The following CLECL1 variants were observed in gnomAD, a reference collection of about 807,000 sequenced individuals.
CLECL1 encodes C-type lectin-like domain family 1.
exon 3 of CLECL1, chr12:9,716,614 C>G (rs56751889): frequency 0.2 from 58,333 of 289,356 alleles, 8,115 homozygotes; most frequent in African/African-American, 0.48. Flanking sequence ...TGTCCCATTC[C>G]TCTTGCTCAA....
At chr12:9,719,965 A>G (rs762411294), downstream of CLECL1, among the ~76,000 whole-genome samples, 2 of 152,308 alleles carry the variant, frequency 1.3e-5, no homozygotes, top group Admixed American at 6.5e-5. Flanking sequence ...CTCTTCCAGC[A>G]GCATTCTCTT....
chr12:9,720,554 C>T (rs1866297574), downstream of CLECL1, among the ~76,000 whole-genome samples: 1 of 152,118 alleles, frequency 6.6e-6, no homozygotes, highest in Admixed American at 6.5e-5. Flanking sequence ...GTTGGTCAGG[C>T]TGGTCTCGAA....
At chr12:9,714,315 G>T (rs1436567082), downstream of CLECL1, among the ~76,000 whole-genome samples, 1 of 152,184 alleles carries the variant, frequency 6.6e-6, no homozygotes, top group African/African-American at 2.4e-5. Flanking sequence ...AGACTGGGAA[G>T]CCCAGAAGTT....
chr12:9,727,556 T>A (rs1866394661), intron 3 of CLECL1, among the ~76,000 whole-genome samples: 1 of 151,790 alleles, frequency 6.6e-6, no homozygotes, highest in Non-Finnish European at 1.5e-5. Flanking sequence ...CAATACAAAC[T>A]AATATTACCT....
chr12:9,718,617 C>T (rs1866267438), downstream of CLECL1: 2 of 627,504 alleles, frequency 3.2e-6, no homozygotes, highest in Non-Finnish European at 2.8e-6. Flanking sequence ...GGAGACACAA[C>T]CTTTAAAGAT....
chr12:9,714,746 G>A (rs772894710), downstream of CLECL1, among the ~76,000 whole-genome samples: 18 of 152,042 alleles, frequency 1.2e-4, no homozygotes, highest in African/African-American at 3.9e-4. Context: ...ACTAATTCTC[G>A]GGCTACTTAT....
chr12:9,718,743 G>A, downstream of CLECL1: 1 of 701,148 alleles, frequency 1.4e-6, no homozygotes, highest in Non-Finnish European at 2.6e-6. Flanking sequence ...TTGAAGAAAT[G>A]CCATTTGAAG....
the CLECL1 span, among the ~76,000 whole-genome samples, chr12:9,710,007 C>T: frequency 6.6e-6 from 1 of 152,224 alleles, no homozygotes; most frequent in Admixed American, 6.5e-5. Flanking sequence ...CCAGGGTACA[C>T]CTGTTAGTTG....
chr12:9,731,020 A>G (rs1866440939), intron 1 of CLECL1, among the ~76,000 whole-genome samples: 1 of 152,234 alleles, frequency 6.6e-6, no homozygotes, highest in Admixed American at 6.5e-5. Context: ...AACTGAAATT[A>G]TGGATCCCTA....
downstream of CLECL1, among the ~76,000 whole-genome samples, chr12:9,719,260 C>T (rs957052910): frequency 1.3e-5 from 2 of 152,152 alleles, no homozygotes; most frequent in Non-Finnish European, 2.9e-5. Flanking sequence ...GGCGTGTTGG[C>T]TCACGCTTGT....
chr12:9,722,887 C>T, intron 3 of CLECL1, 74 bp from the exon 2 acceptor site: 1 of 1,139,832 alleles, frequency 8.8e-7, no homozygotes, highest in South Asian at 1.8e-5. Context: ...ATTGAAGGGT[C>T]TCAAATTTGG....
downstream of CLECL1, among the ~76,000 whole-genome samples, chr12:9,720,336 T>C (rs1866293863): frequency 6.7e-6 from 1 of 150,086 alleles, no homozygotes; most frequent in African/African-American, 2.5e-5. Flanking sequence ...TCATGCCACC[T>C]CTGTATTTTT....
intron 3 of CLECL1, among the ~76,000 whole-genome samples, chr12:9,725,493 G>T (rs13377939): frequency 0.22 from 32,753 of 151,854 alleles, 4,405 homozygotes; most frequent in African/African-American, 0.39. Flanking sequence ...TCACTTCTCT[G>T]ATAGACTAGA....
chr12:9,719,611 G>A (rs778838173), downstream of CLECL1, among the ~76,000 whole-genome samples: 2 of 152,240 alleles, frequency 1.3e-5, no homozygotes, highest in South Asian at 4.1e-4. Context: ...TAAGCAGAGC[G>A]TGGTGGTGCA....
At chr12:9,721,622 G>A (rs117192316), downstream of CLECL1, among the ~76,000 whole-genome samples, 260 of 152,326 alleles carry the variant, frequency 1.7e-3, 3 homozygotes, top group Non-Finnish European at 2.9e-3. Flanking sequence ...AGATATATGA[G>A]ATTCTTAGTG....
downstream of CLECL1, among the ~76,000 whole-genome samples, chr12:9,712,832 A>G (rs757316263): frequency 6.6e-6 from 1 of 152,284 alleles, no homozygotes; most frequent in South Asian, 2.1e-4. Context: ...TGTAAGTACA[A>G]CTATTAATAA....
At chr12:9,711,325 CAGAGAAGGTTGGTGTTCT>C (rs1314303190), downstream of CLECL1, among the ~76,000 whole-genome samples, 1 of 152,118 alleles carries the variant, frequency 6.6e-6, no homozygotes, top group Non-Finnish European at 1.5e-5. Context: ...TTCTGGGTTC[CAGAGAAGGTTGGTGTTCT>C]GTTTCTACCT....
chr12:9,726,380 A>G (rs11052718), intron 3 of CLECL1, among the ~76,000 whole-genome samples: 8,928 of 152,056 alleles, frequency 0.059, 312 homozygotes, highest in Non-Finnish European at 0.083. Flanking sequence ...GCAGATGAGG[A>G]AAGCAGCAGG....
chr12:9,708,900 C>T, the CLECL1 span: 1 of 267,044 alleles, frequency 3.7e-6, no homozygotes, highest in South Asian at 5.2e-5. Flanking sequence ...TTCACCACTT[C>T]CAGCTTATAC....
Sources: allele counts gnomAD v4.1 joint callset (sites outside exome capture counted in the v4.1 genomes callset), GRCh38; gene constraint gnomAD v4.1.1; transcripts MANE v1.5; gene names NCBI Gene and HGNC (gene_info 2026-07-23, HGNC 2026-07-21).